The following SNX29 variants were observed in gnomAD, a reference collection of about 807,000 sequenced individuals.
SNX29 encodes sorting nexin-29.
In SNX29, 78 loss-of-function variants were observed where a neutral mutation model predicts 102.1. The ratio of observed to expected loss-of-function variants is 0.76; its 90% confidence interval spans 0.64 to 0.92. SNX29 has a LOEUF of 0.92. Among genes scored for constraint, SNX29 ranks in the 40% least tolerant of loss-of-function variants. The pLI, the probability that SNX29 is intolerant of heterozygous loss-of-function variation, is 0.00. For synonymous variants in SNX29, 580 were observed against 414.5 expected, an observed-to-expected ratio of 1.40 and a Z score of -4.85; for missense variants, 1,280 against 1,061.7, an observed-to-expected ratio of 1.21 and a Z score of -2.86.
chr16:12,272,057 G>T (rs541458572), intron 14 of SNX29, among the ~76,000 whole-genome samples: 3 of 152,320 alleles, frequency 2.0e-5, no homozygotes, highest in Middle Eastern at 3.4e-3. Context: ...AAGGAAGTCA[G>T]GTAGTTGCAG....
intron 15 of SNX29, among the ~76,000 whole-genome samples, chr16:12,344,756 G>T (rs2151271840): frequency 6.6e-6 from 1 of 152,292 alleles, no homozygotes; most frequent in African/African-American, 2.4e-5. Flanking sequence ...TGCCCAGCAG[G>T]CTGGAGAAGG....
At chr16:12,359,087 G>A (rs7203117) in intron 16 of SNX29, among the ~76,000 whole-genome samples, 60,838 of 152,098 alleles carry the variant, frequency 0.4, 13,814 homozygotes, top group Non-Finnish European at 0.54. Context: ...AAATAACCTG[G>A]GGCTTGTGGT....
rs182087663 is a variant in SNX29 at position 12,454,772 on chromosome 16, T to C, written c.2038-22947T>C. 8.1e-4 allele frequency among the ~76,000 whole-genome samples: 124 copies of C among 152,188 alleles called. 2 individuals carry two copies. Among genetic ancestry groups the C allele is most frequent in the African/African-American group, 2.9e-3 (121 of 41,516 alleles). ...TCTCACCCTGTCACCCAGGCTGGAGTGCAGTGGCGTGATCTCGGCTCACTG... is the reference window on the plus strand; with the variant it reads ...TCTCACCCTGTCACCCAGGCTGGAGCGCAGTGGCGTGATCTCGGCTCACTG... On this transcript the variant is annotated intron_variant, in intron 18 of 20. Coordinates refer to ENST00000566228, the MANE Select transcript of SNX29 (RefSeq NM_032167.5).
At chr16:12,510,857 G>C (rs985197517) in intron 19 of SNX29, among the ~76,000 whole-genome samples, 2 of 152,054 alleles carry the variant, frequency 1.3e-5, no homozygotes, top group Non-Finnish European at 2.9e-5. Flanking sequence ...GTGTCCTGCT[G>C]AGGGCCCATC....
At chr16:12,107,884 C>T (rs908089104) in intron 11 of SNX29, among the ~76,000 whole-genome samples, 12 of 151,732 alleles carry the variant, frequency 7.9e-5, no homozygotes, top group East Asian at 7.7e-4. Flanking sequence ...GATTAACAAT[C>T]GTGTTTTAAG....
At chr16:12,449,851 C>T (rs1312863937) in intron 18 of SNX29, among the ~76,000 whole-genome samples, 1 of 152,200 alleles carries the variant, frequency 6.6e-6, no homozygotes, top group African/African-American at 2.4e-5. Context: ...AACAGCTGTA[C>T]ATTTGACAAT....
intron 19 of SNX29, among the ~76,000 whole-genome samples, chr16:12,484,193 G>A (rs2151841639): frequency 6.6e-6 from 1 of 152,126 alleles, no homozygotes. Context: ...CTGTCACCCA[G>A]GCTGGAGTGT....
chr16:12,525,222 A>G (rs984997707), intron 20 of SNX29, among the ~76,000 whole-genome samples: 3 of 152,168 alleles, frequency 2.0e-5, no homozygotes, highest in African/African-American at 4.8e-5. Flanking sequence ...ACCCAAGGAA[A>G]GTTCTCCCAG....
At chr16:12,462,820 A>G (rs2086866507) in intron 18 of SNX29, among the ~76,000 whole-genome samples, 1 of 152,228 alleles carries the variant, frequency 6.6e-6, no homozygotes, top group South Asian at 2.1e-4. Flanking sequence ...AGTGCCGCAA[A>G]TGGAGCAGCC....
At chr16:12,015,992 G>C (rs866277566) in intron 3 of SNX29, among the ~76,000 whole-genome samples, 5 of 151,924 alleles carry the variant, frequency 3.3e-5, no homozygotes, top group Admixed American at 6.6e-5. Flanking sequence ...AGCCTCCTGA[G>C]TAGCTGGGAT....
At chr16:12,365,366 T>TGTGTG (rs2082433485) in intron 16 of SNX29, among the ~76,000 whole-genome samples, 2 of 61,714 alleles carry the variant, frequency 3.2e-5, no homozygotes, top group Admixed American at 1.4e-4. Context: ...GTGTGTGTGT[T>TGTGTG]TAGCATACTC....
chr16:12,464,411 T>C (rs2086958229), intron 18 of SNX29, among the ~76,000 whole-genome samples: 1 of 152,040 alleles, frequency 6.6e-6, no homozygotes, highest in African/African-American at 2.4e-5. Flanking sequence ...CTCTTGAGGG[T>C]ACTAATTTAA....
intron 1 of SNX29, among the ~76,000 whole-genome samples, chr16:11,998,265 G>A (rs2056162279): frequency 6.6e-6 from 1 of 152,182 alleles, no homozygotes; most frequent in African/African-American, 2.4e-5. Flanking sequence ...TGTGTCTGGT[G>A]CATCATACTC....
rs757549653 is a variant in SNX29 at position 12,573,595 on chromosome 16, C to G, written c.*4966C>G. The G allele has an allele frequency of 3.2e-5, 7 of 222,116 alleles. No individual in the cohort carries two copies. The South Asian group carries it at 1.1e-3, about 35-fold the overall frequency. The allele number at this position is 222,116 out of a possible 1,614,324, so 13.8% of individuals were successfully genotyped here. A position where few individuals can be genotyped will look rare whatever the true frequency, so the allele number is the denominator to read the frequency against. ...CACCCAGGCTTCCCCCACTTCCCCT[C>G]AAATTTTCTCAGCTCTGCCGCTGGT... On this transcript the variant is annotated 3_prime_UTR_variant, in exon 21 of 21. Coordinates refer to ENST00000566228, the MANE Select transcript of SNX29 (RefSeq NM_032167.5).
intron 19 of SNX29, among the ~76,000 whole-genome samples, chr16:12,494,393 C>T (rs1046598735): frequency 1.3e-5 from 2 of 152,202 alleles, no homozygotes; most frequent in African/African-American, 4.8e-5. Flanking sequence ...CCGCATCAGA[C>T]TCCGCGCACT....
chr16:12,403,278 GACTTAA>G (rs1157596796), intron 17 of SNX29, among the ~76,000 whole-genome samples, 164 bp from the exon 18 acceptor site: 5 of 150,466 alleles, frequency 3.3e-5, no homozygotes, highest in Admixed American at 2.0e-4. Context: ...ACTGAGTGAT[GACTTAA>G]ACTTGTCCTT....
At chr16:12,462,016 T>TACACACACACACACACACAC (rs375061825) in intron 18 of SNX29, among the ~76,000 whole-genome samples, 3 of 65,210 alleles carry the variant, frequency 4.6e-5, no homozygotes, top group African/African-American at 3.0e-4. Flanking sequence ...TATATATGTA[T>TACACACACACACACACACAC]ACACACACAC....
At chr16:12,478,617 G>C (rs8047065) in intron 19 of SNX29, among the ~76,000 whole-genome samples, 23,083 of 152,196 alleles carry the variant, frequency 0.15, 2,237 homozygotes, top group African/African-American at 0.29. Context: ...GGAGAAGACA[G>C]ACCTGGGTCT....
In SNX29 at chr16:12,492,444, G is replaced by A. The variant is rs551535866; in HGVS notation, c.2178+14585G>A. 2.6e-5 allele frequency among the ~76,000 whole-genome samples: 4 copies of A among 152,286 alleles called. No homozygotes were observed. The East Asian group carries it at 7.7e-4, about 29-fold the overall frequency. On this transcript the variant is annotated intron_variant, in intron 19 of 20. Transcript: ENST00000566228. ...ACTGGATATTAGCCCTTTGTCAGAT[G>A]AGTAGGTTGCAAAAATTTTCTCCCA...
Sources: gnomAD v4.1 joint callset for allele counts (sites outside exome capture counted in the v4.1 genomes callset) on GRCh38, gnomAD v4.1.1 for gene constraint, MANE v1.5 for transcripts, NCBI Gene and HGNC (gene_info 2026-07-23, HGNC 2026-07-21) for gene names.